The following CCDC33 variants were observed in gnomAD, a reference collection of about 807,000 sequenced individuals.
CCDC33 encodes coiled-coil domain-containing protein 33.
Under a neutral mutation model 91.9 loss-of-function variants are expected in CCDC33, and 94 were observed. That is an observed-to-expected ratio of 1.02 (90% CI 0.87 to 1.21). The LOEUF is 1.21. Ranked by LOEUF, CCDC33 falls within the 50% of genes most tolerant of loss-of-function variation. CCDC33 has a pLI of 0.00. For synonymous variants in CCDC33, 396 were observed against 374.5 expected (o/e 1.06, Z -0.66); for missense variants, 940 against 935.5 (o/e 1.00, Z -0.06).
rs561540919 is a variant in CCDC33 at position 74,325,257 on chromosome 15, C to G, written c.1291-4932C>G. On this transcript the variant is annotated intron_variant, in intron 11 of 18. Transcript: ENST00000398814. ...TGGAATCCAAGCTCCTGAGATTGGC[C>G]ACACCCCTACTTACTCCCCAACCAG... Among the ~76,000 whole-genome samples the G allele has an allele frequency of 2.6e-5, 4 of 151,692 alleles. No individual in the cohort carries two copies. In the East Asian group the frequency reaches 7.8e-4, roughly 30 times the overall value.
intron 1 of CCDC33, among the ~76,000 whole-genome samples, chr15:74,242,215 C>T (rs1171751893): frequency 6.6e-6 from 1 of 152,238 alleles, no homozygotes; most frequent in Non-Finnish European, 1.5e-5. Context: ...CATCTCCCCA[C>T]TGGGGAAACT....
At chr15:74,311,568 G>A (rs2059994231) in intron 11 of CCDC33, 1 of 152,232 alleles carries the variant, frequency 6.6e-6, no homozygotes, top group Admixed American at 6.5e-5. Context: ...GCAACCATGG[G>A]AGTTGCGGGG....
At chr15:74,283,580 C>A (rs558252541) in intron 10 of CCDC33, among the ~76,000 whole-genome samples, 7 of 152,132 alleles carry the variant, frequency 4.6e-5, no homozygotes, top group Admixed American at 6.6e-5. Context: ...CCAAGTCATG[C>A]GGGAAAATGC....
At chr15:74,283,942 C>T (rs908306205) in intron 10 of CCDC33, among the ~76,000 whole-genome samples, 15 of 152,190 alleles carry the variant, frequency 9.9e-5, no homozygotes, top group African/African-American at 3.4e-4. Context: ...TACACGCTCT[C>T]ACATACATGC....
intron 2 of CCDC33, among the ~76,000 whole-genome samples, chr15:74,260,930 A>C (rs1278392752): frequency 2.0e-5 from 3 of 152,248 alleles, no homozygotes; most frequent in Non-Finnish European, 4.4e-5. Context: ...TGTGCCAGGC[A>C]CTACACATAT....
intron 5 of CCDC33, 80 bp downstream of exon 5, chr15:74,268,538 T>G: frequency 9.1e-7 from 1 of 1,094,466 alleles, no homozygotes; most frequent in Non-Finnish European, 1.4e-6. Context: ...GCCTTGCCCT[T>G]AGCCCCCTCT....
intron 17 of CCDC33, 99 bp from the exon 18 acceptor site, chr15:74,334,876 T>G (rs1159741051): frequency 9.6e-7 from 1 of 1,044,794 alleles, no homozygotes; most frequent in Admixed American, 1.7e-5. Flanking sequence ...AGAGCTTTGC[T>G]TTCTGCCTGG....
At chr15:74,209,460 T>G in exon 2 of CCDC33, 1 of 1,535,212 alleles carries the variant, frequency 6.5e-7, no homozygotes. Flanking sequence ...TGCATCCTGC[T>G]GCTGCCCAGC....
At chr15:74,249,352 G>A (rs1436236096) in intron 2 of CCDC33, among the ~76,000 whole-genome samples, 2 of 152,032 alleles carry the variant, frequency 1.3e-5, no homozygotes, top group Admixed American at 1.3e-4. Flanking sequence ...GCCGGGTGTG[G>A]TGGCGGGTGC....
At chr15:74,203,131 G>A in intron 1 of CCDC33, 1 of 985,594 alleles carries the variant, frequency 1.0e-6, no homozygotes, top group Non-Finnish European at 1.2e-6. Context: ...GGCTGGGGCG[G>A]AGGCAGGGAA....
At chr15:74,263,294 C>T (rs1233379090) in intron 3 of CCDC33, among the ~76,000 whole-genome samples, 4 of 152,138 alleles carry the variant, frequency 2.6e-5, no homozygotes, top group Admixed American at 6.5e-5. Flanking sequence ...GGCATCGCAT[C>T]TGGCACTGCC....
At position 74,323,976 on chromosome 15, in the gene CCDC33, C is replaced by G. The variant is rs532877416; in HGVS notation, c.1291-6213C>G. On this transcript the variant is annotated intron_variant, in intron 11 of 18. Transcript: ENST00000398814. ...GGCATAGTGGCAGGCGCCTGTAATC[C>G]CAGCTACTCAGGAGGCTGAGGCAGG... 9.2e-5 allele frequency among the ~76,000 whole-genome samples: 14 copies of G among 151,758 alleles called. No homozygotes were observed. The South Asian group carries it at 2.5e-3, about 27-fold the overall frequency.
intron 2 of CCDC33, among the ~76,000 whole-genome samples, chr15:74,247,106 C>T (rs2075555301): frequency 6.6e-6 from 1 of 151,294 alleles, no homozygotes; most frequent in African/African-American, 2.4e-5. Context: ...GATTGCGCCA[C>T]TGCACTCCAG....
At chr15:74,272,436 G>A (rs1037529950) in intron 6 of CCDC33, among the ~76,000 whole-genome samples, 5 of 152,144 alleles carry the variant, frequency 3.3e-5, no homozygotes, top group African/African-American at 4.8e-5. Flanking sequence ...CCCTATGAAC[G>A]TGTGCTCTCT....
intron 1 of CCDC33, chr15:74,207,628 C>T: frequency 6.9e-7 from 1 of 1,439,086 alleles, no homozygotes; most frequent in Non-Finnish European, 9.4e-7. Context: ...ACACCCCCAA[C>T]TTCGATAGCA....
chr15:74,208,570 A>G (rs920623041), intron 1 of CCDC33, among the ~76,000 whole-genome samples: 1 of 152,036 alleles, frequency 6.6e-6, no homozygotes, highest in Non-Finnish European at 1.5e-5. Flanking sequence ...GACTCTGCGA[A>G]TGTCTCCTGC....
At position 74,268,279 on chromosome 15, in the gene CCDC33, G is replaced by A. The variant is rs567402059; in HGVS notation, c.430-63G>A. On this transcript the variant is annotated intron_variant, in intron 4 of 18. Transcript: ENST00000398814. ...TTGTCTGCAGAGGGCTGGATTTATG[G>A]CCAGGATCTGCCCCTTAGACACTCT... 207 of 1,181,432 alleles carry A rather than the reference G, an allele frequency of 1.8e-4. 1 individual carries two copies. The African/African-American group carries it at 2.5e-3, about 14-fold the overall frequency. The allele number at this position is 1,181,432 out of a possible 1,614,324, so 73.2% of individuals were successfully genotyped here.
intron 2 of CCDC33, among the ~76,000 whole-genome samples, chr15:74,261,196 C>T (rs1313916759): frequency 6.6e-6 from 1 of 152,168 alleles, no homozygotes; most frequent in Non-Finnish European, 1.5e-5. Context: ...GGAACTCCTG[C>T]AAGCATGGTC....
chr15:74,335,445 C>G (rs2060545888), intron 18 of CCDC33: 1 of 520,538 alleles, frequency 1.9e-6, no homozygotes, highest in Non-Finnish European at 3.4e-6. Flanking sequence ...TGTGGCCCTA[C>G]CCCCCTGAAT....
Sources: gnomAD v4.1 joint callset for allele counts (sites outside exome capture counted in the v4.1 genomes callset) on GRCh38, gnomAD v4.1.1 for gene constraint, MANE v1.5 for transcripts, NCBI Gene and HGNC (gene_info 2026-07-23, HGNC 2026-07-21) for gene names.